TOX: variants seen among roughly 807,000 people sequenced by gnomAD.
TOX encodes thymocyte selection associated high mobility group box, also known as thymocyte selection-associated high mobility group box protein TOX.
In TOX, 11 loss-of-function variants were observed where a neutral mutation model predicts 53.7. That is an observed-to-expected ratio of 0.20 (90% CI 0.13 to 0.34). TOX has a LOEUF of 0.34. Among genes scored for constraint, TOX ranks in the 10% least tolerant of loss-of-function variants. The pLI, the probability that TOX is intolerant of heterozygous loss-of-function variation, is 1.00. For missense variants in TOX, 570 were observed against 664.6 expected (o/e 0.86, Z 1.56); for synonymous variants, 225 against 245.3 (o/e 0.92, Z 0.77).
intron 1 of TOX, among the ~76,000 whole-genome samples, chr8:59,116,578 T>C (rs1805102513): frequency 6.6e-6 from 1 of 152,184 alleles, no homozygotes; most frequent in Non-Finnish European, 1.5e-5. Flanking sequence ...CCTAGAAAAC[T>C]ATCCAGTACA....
intron 3 of TOX, among the ~76,000 whole-genome samples, chr8:58,902,842 T>A (rs1430599093): frequency 6.6e-6 from 1 of 152,174 alleles, no homozygotes; most frequent in Non-Finnish European, 1.5e-5. Flanking sequence ...TCTAGCAATT[T>A]TTTTCATGAA....
intron 3 of TOX, among the ~76,000 whole-genome samples, chr8:58,858,730 C>A (rs113329416): frequency 3.3e-5 from 5 of 152,242 alleles, no homozygotes; most frequent in Non-Finnish European, 5.9e-5. Context: ...TTAGCTGTGA[C>A]AAGTGCTTCC....
chr8:58,898,819 G>T (rs1486668142), intron 3 of TOX, among the ~76,000 whole-genome samples: 1 of 152,182 alleles, frequency 6.6e-6, no homozygotes, highest in Non-Finnish European at 1.5e-5. Context: ...TGGGAAATCA[G>T]TTGTATCTCC....
intron 1 of TOX, among the ~76,000 whole-genome samples, chr8:59,088,919 A>G (rs1804559497): frequency 6.6e-6 from 1 of 152,222 alleles, no homozygotes; most frequent in African/African-American, 2.4e-5. Context: ...TTCACTAAAA[A>G]TAATACTGAT....
At position 58,958,078 on chromosome 8, in the gene TOX, A is replaced by G. The variant is rs186880448; in HGVS notation, c.168+1865T>C. On this transcript the variant is annotated intron_variant, in intron 2 of 8. Coordinates refer to ENST00000361421, the MANE Select transcript of TOX (RefSeq NM_014729.3). ...CTAAAAACATTTTCATATATGCTACACTATTTTTTTAAGTGTTTATTTCTG... is the reference window on the plus strand; with the variant it reads ...CTAAAAACATTTTCATATATGCTACGCTATTTTTTTAAGTGTTTATTTCTG... 1.4e-4 allele frequency among the ~76,000 whole-genome samples: 22 copies of G among 152,264 alleles called. 1 individual carries two copies. The East Asian group carries it at 4.0e-3, about 28-fold the overall frequency.
At chr8:58,987,621 T>A (rs1346143710) in intron 1 of TOX, among the ~76,000 whole-genome samples, 1 of 152,218 alleles carries the variant, frequency 6.6e-6, no homozygotes, top group Non-Finnish European at 1.5e-5. Flanking sequence ...GGAACTCAGT[T>A]CTCAATCAGT....
chr8:58,943,821 C>T (rs955960813), intron 2 of TOX, among the ~76,000 whole-genome samples: 1 of 152,128 alleles, frequency 6.6e-6, no homozygotes, highest in Non-Finnish European at 1.5e-5. Flanking sequence ...CAGCATGAAC[C>T]ATGCGAGCTC....
intron 1 of TOX, among the ~76,000 whole-genome samples, chr8:58,996,825 G>C (rs984870925): frequency 6.6e-6 from 1 of 152,192 alleles, no homozygotes; most frequent in Admixed American, 6.5e-5. Context: ...CATGATCCTT[G>C]AGTTTCCATC....
chr8:59,008,291 C>T (rs539466984), intron 1 of TOX, among the ~76,000 whole-genome samples: 1 of 152,314 alleles, frequency 6.6e-6, no homozygotes, highest in South Asian at 2.1e-4. Flanking sequence ...AATAAAATAT[C>T]TTGAAGAAAT....
At chr8:59,033,401 G>C (rs1370922905) in intron 1 of TOX, among the ~76,000 whole-genome samples, 2 of 152,254 alleles carry the variant, frequency 1.3e-5, no homozygotes, top group East Asian at 3.8e-4. Flanking sequence ...GATACCAGAG[G>C]ATGCAGAATT....
rs139002293 is a variant in TOX at position 58,836,462 on chromosome 8, T to C, written c.924+1619A>G. Among the ~76,000 whole-genome samples the C allele has an allele frequency of 3.3e-5, 5 of 152,316 alleles. No individual in the cohort carries two copies. In the East Asian group the frequency reaches 9.6e-4, roughly 29 times the overall value. Reference sequence around the variant, plus strand: ...CTCTTATGGTGAGTGGGTATTTTAATTGAGTGTACAGAGAACGTTTTGGTG... The same window carrying C: ...CTCTTATGGTGAGTGGGTATTTTAACTGAGTGTACAGAGAACGTTTTGGTG... On this transcript the variant is annotated intron_variant, in intron 5 of 8. Coordinates refer to ENST00000361421, the MANE Select transcript of TOX (RefSeq NM_014729.3).
intron 6 of TOX, among the ~76,000 whole-genome samples, chr8:58,823,628 G>T (rs1474890627): frequency 6.6e-6 from 1 of 152,162 alleles, no homozygotes. Flanking sequence ...TCTTATTTTT[G>T]ATCATGTTCT....
At chr8:59,028,427 A>G (rs1232817728) in intron 1 of TOX, among the ~76,000 whole-genome samples, 1 of 152,180 alleles carries the variant, frequency 6.6e-6, no homozygotes, top group Non-Finnish European at 1.5e-5. Context: ...TTAGACATCA[A>G]AAATGAATTG....
intron 1 of TOX, among the ~76,000 whole-genome samples, chr8:59,028,240 T>A (rs1814280565): frequency 1.3e-5 from 2 of 150,186 alleles, no homozygotes; most frequent in Admixed American, 1.3e-4. Flanking sequence ...AAGAACGAAC[T>A]TTTTTTTTTC....
At chr8:58,893,305 T>G (rs1211341133) in intron 3 of TOX, among the ~76,000 whole-genome samples, 1 of 152,178 alleles carries the variant, frequency 6.6e-6, no homozygotes, top group Non-Finnish European at 1.5e-5. Flanking sequence ...GGCAAGAAGA[T>G]AATATTTCTT....
At chr8:58,817,415 GA>G (rs1386113019) in intron 6 of TOX, among the ~76,000 whole-genome samples, 11 of 151,438 alleles carry the variant, frequency 7.3e-5, no homozygotes, top group African/African-American at 1.9e-4. Context: ...GTTTTAAGTA[GA>G]TTTTTTTTGG....
At chr8:59,112,836 T>G (rs1265023617) in intron 1 of TOX, among the ~76,000 whole-genome samples, 2 of 152,228 alleles carry the variant, frequency 1.3e-5, no homozygotes, top group Admixed American at 1.3e-4. Flanking sequence ...AATTTTATAT[T>G]CTTGTATTTG....
At chr8:58,835,280 A>C (rs1457069073) in intron 5 of TOX, among the ~76,000 whole-genome samples, 5 of 152,186 alleles carry the variant, frequency 3.3e-5, no homozygotes, top group South Asian at 4.1e-4. Context: ...GAAACATACA[A>C]AAGAGAAAGA....
intron 3 of TOX, among the ~76,000 whole-genome samples, chr8:58,879,462 C>T (rs1024259645): frequency 6.6e-6 from 1 of 152,144 alleles, no homozygotes; most frequent in Non-Finnish European, 1.5e-5. Context: ...CTCCTTAATT[C>T]CTACTTAAGG....
Sources: allele counts gnomAD v4.1 joint callset (sites outside exome capture counted in the v4.1 genomes callset), GRCh38; gene constraint gnomAD v4.1.1; transcripts MANE v1.5; gene names NCBI Gene and HGNC (gene_info 2026-07-23, HGNC 2026-07-21).